CHAD: variants seen among roughly 807,000 people sequenced by gnomAD.
CHAD encodes the protein chondroadherin.
In CHAD, 18 loss-of-function variants were observed where a neutral mutation model predicts 24.0. The observed-to-expected ratio is 0.75, with a 90% CI of 0.52 to 1.11. The LOEUF (loss-of-function observed/expected upper bound fraction) is 1.11, where lower values mean the gene tolerates loss of function less well. Ranked by LOEUF, CHAD falls within the 50% of genes most tolerant of loss-of-function variation. The probability of loss-of-function intolerance (pLI) is 0.00; values close to 1 mark genes in which losing one functional copy is unlikely to be tolerated. For synonymous variants in CHAD, 195 were observed against 211.6 expected, an observed-to-expected ratio of 0.92 and a Z score of 0.68; for missense variants, 440 against 467.2, an observed-to-expected ratio of 0.94 and a Z score of 0.54.
chr17:50,465,749 T>C lies in CHAD; in HGVS notation c.896A>G (p.Asn299Ser), dbSNP rs772620031. 3 of 1,613,618 alleles carry C rather than the reference T, an allele frequency of 1.9e-6. No homozygotes were observed. In the Admixed American group the frequency reaches 5.0e-5, roughly 27 times the overall value. The change falls in exon 2 of 4, where the codon AAT becomes AGT. Residue 299 changes from asparagine to serine, a missense_variant. Transcript: ENST00000508540. ...CTGGCAGGTACACTTCCAGGGGTTA[T>C]TGGTAAGGGCGAGGGTCTCCAGGCT... Reference protein sequence around the residue: ...FDSLETLALTNNPWKCTCQLR... With the variant: ...FDSLETLALTSNPWKCTCQLR...
At position 50,468,131 on chromosome 17, in the gene CHAD, T is replaced by G; in HGVS notation, c.683A>C (p.His228Pro). The change falls in exon 1 of 4, where the codon CAC becomes CCC. Residue 228 changes from histidine (H) to proline (P), a missense_variant. Physicochemically the swap from His to Pro is moderately conservative, Grantham distance 77. Transcript: ENST00000508540. ...LRVVEELKLS[H>P]NPLKSIPDNA... is the part of the protein sequence containing the mutation. ...GTCCGGGATGCTTTTCAGGGGGTTG[T>G]GGGACAGCTTCAGCTCCTCCACCAC... The G allele has an allele frequency of 6.2e-7, 1 of 1,614,156 alleles. No individual in the cohort carries two copies. The highest frequency in any genetic ancestry group is 1.1e-5 in the South Asian group (1 of 91,062).
chr17:50,468,071 G>A lies in CHAD; in HGVS notation c.743C>T (p.Thr248Ile), dbSNP rs2032853719. The A allele has an allele frequency of 6.2e-7, 1 of 1,608,118 alleles. No homozygotes were observed. The change falls in exon 1 of 4, where the codon ACC (threonine) becomes ATC (isoleucine). Residue 248 changes from threonine (T) to isoleucine (I), a missense_variant. Thr to Ile is a moderately conservative substitution (Grantham distance 89). Transcript: ENST00000508540. Reference sequence around the variant, plus strand: ...CAGGTTGGTGTTGTCCAGCCAGAGGGTCTCCAGGTATCTGCCAAAGGACTG... The same window carrying A: ...CAGGTTGGTGTTGTCCAGCCAGAGGATCTCCAGGTATCTGCCAAAGGACTG... Reference protein sequence around the residue: ...AFQSFGRYLETLWLDNTNLEK... With the variant: ...AFQSFGRYLEILWLDNTNLEK...
At position 50,468,749 on chromosome 17, in the gene CHAD, G is replaced by A. The variant is rs1598433164; in HGVS notation, c.65C>T (p.Ala22Val). The part of the protein sequence containing the change: ...LLAGLLPALA[A>V]CPQNCHCHSD... ...GTGGCAGTGGCAGTTCTGGGGGCAGGCGGCCAGCGCCGGCAGCAGACCAGC... is the reference window on the plus strand; with the variant it reads ...GTGGCAGTGGCAGTTCTGGGGGCAGACGGCCAGCGCCGGCAGCAGACCAGC... The change falls in exon 1 of 4, where the codon GCC (alanine) becomes GTC (valine). Residue 22 changes from alanine to valine, a missense_variant. By Grantham distance (64) the Ala-to-Val change is moderately conservative (BLOSUM62 0). Coordinates refer to ENST00000508540, the MANE Select transcript of CHAD (RefSeq NM_001267.3). The A allele has an allele frequency of 6.2e-7, 1 of 1,602,160 alleles. No homozygotes were observed. The highest frequency in any genetic ancestry group is 8.5e-7 in the Non-Finnish European group (1 of 1,176,994).
rs2231509 is a variant in CHAD at position 50,465,499 on chromosome 17, C to T, written c.939-60G>A. Reference sequence around the variant, plus strand: ...AAGGTGGGAGTGCTGGGGGGAAGGGCAGTGAACTATGGGGCCAGGATTGAC... The same window carrying T: ...AAGGTGGGAGTGCTGGGGGGAAGGGTAGTGAACTATGGGGCCAGGATTGAC... On this transcript the variant is annotated intron_variant, in intron 2 of 3. Coordinates refer to ENST00000508540, the MANE Select transcript of CHAD (RefSeq NM_001267.3). 3 of 1,591,600 alleles carry T rather than the reference C, an allele frequency of 1.9e-6. No individual in the cohort carries two copies. The East Asian group carries it at 6.7e-5, about 36-fold the overall frequency.
At position 50,468,575 on chromosome 17, in the gene CHAD, A is replaced by G; in HGVS notation, c.239T>C (p.Leu80Ser). 1.9e-6 allele frequency: 3 copies of G among 1,614,238 alleles called. No individual in the cohort carries two copies. The highest frequency in any genetic ancestry group is 2.5e-6 in the Non-Finnish European group (3 of 1,180,010). The change falls in exon 1 of 4, where the codon TTG becomes TCG. Residue 80 changes from leucine to serine, a missense_variant. Physicochemically the swap from Leu to Ser is moderately radical, Grantham distance 145 (BLOSUM62 -2). Coordinates refer to ENST00000508540, the MANE Select transcript of CHAD (RefSeq NM_001267.3). ...SFRAMPNLVS[L>S]HLQHCQIREV... is the part of the protein sequence containing the mutation. ...GCGGATCTGGCAGTGCTGCAGGTGC[A>G]ATGACACGAGGTTCGGCATGGCCCG...
intron 1 of CHAD, among the ~76,000 whole-genome samples, chr17:50,467,464 A>G (rs2032806476): frequency 6.6e-6 from 1 of 152,168 alleles, no homozygotes; most frequent in African/African-American, 2.4e-5. Flanking sequence ...GTCTGTGTGG[A>G]TTGGGCAGGG....
chr17:50,465,174 C>G (rs1467143320), intron 3 of CHAD, 120 bp downstream of exon 3: 1 of 1,215,294 alleles, frequency 8.2e-7, no homozygotes, highest in East Asian at 2.3e-5. Flanking sequence ...CCCCTCCTCT[C>G]TCTGTAAAAA....
At position 50,465,831 on chromosome 17, in the gene CHAD, G is replaced by A; in HGVS notation, c.814C>T (p.His272Tyr). 4 of 1,613,938 alleles carry A rather than the reference G, an allele frequency of 2.5e-6. No homozygotes were observed. Among genetic ancestry groups the A allele is most frequent in the Non-Finnish European group, 3.4e-6 (4 of 1,180,004 alleles). Residue 272 changes from histidine to tyrosine, a missense_variant, in exon 2 of 4, where the codon CAC becomes TAC. Transcript: ENST00000508540. ...AAGCGGTTGTTCTCCAAATGGACGT[G>A]TTTCAGCGTGGTTACACCCAGGAAG... ...GAFLGVTTLKHVHLENNRLNQ... is the reference protein window; with the variant it reads ...GAFLGVTTLKYVHLENNRLNQ...
chr17:50,467,557 C>T (rs536474352), intron 1 of CHAD, among the ~76,000 whole-genome samples: 2 of 152,324 alleles, frequency 1.3e-5, no homozygotes, highest in East Asian at 1.9e-4. Flanking sequence ...CCCCACTCCC[C>T]CTTAGCACAC....
At position 50,464,768 on chromosome 17, in the gene CHAD, T is replaced by TTG; in HGVS notation, c.*284_*285dup. ...CCAACCTGTTGTGGTTCTGATTGAC[T>TTG]TGGGGGGGGGGTCTCAGCAACAGCT... is the stretch of plus-strand genomic sequence containing the variant. On this transcript the variant is annotated 3_prime_UTR_variant, in exon 4 of 4. Transcript: ENST00000508540. The TTG allele has an allele frequency of 7.9e-6, 1 of 126,764 alleles. No individual in the cohort carries two copies. Among genetic ancestry groups the TTG allele is most frequent in the Non-Finnish European group, 1.5e-5 (1 of 66,816 alleles). 7.9% of individuals were successfully genotyped at this position (126,764 alleles called of 1,614,324 possible).
chr17:50,468,214 G>A lies in CHAD; in HGVS notation c.600C>T (p.Phe200=). 6.2e-7 allele frequency: 1 copy of A among 1,613,166 alleles called. No individual in the cohort carries two copies. The highest frequency in any genetic ancestry group is 8.5e-7 in the Non-Finnish European group (1 of 1,179,242). The change falls in exon 1 of 4, where the codon TTC becomes TTT. Residue 200 remains phenylalanine (F), a synonymous_variant. Coordinates refer to ENST00000508540, the MANE Select transcript of CHAD (RefSeq NM_001267.3). The part of the protein sequence containing the change: ...ALDDVENLAK[F]HVDRNQLSSY... ...TGGACAGCTGGTTCCTGTCCACGTGGAATTTGGCGAGGTTCTCCACGTCGT... is the reference window on the plus strand; with the variant it reads ...TGGACAGCTGGTTCCTGTCCACGTGAAATTTGGCGAGGTTCTCCACGTCGT...
At position 50,466,149 on chromosome 17, in the gene CHAD, C is replaced by T. The variant is rs747435272; in HGVS notation, c.775-279G>A. Among the ~76,000 whole-genome samples, 59 of 147,732 alleles carry T rather than the reference C, an allele frequency of 4.0e-4. 1 individual carries two copies. Among genetic ancestry groups the T allele is most frequent in the African/African-American group, 1.5e-3 (58 of 39,460 alleles). ...TTGCCCAGGCTGGAGCACAGTGGCACGATCTCAGCTCACTGCAAGCTCCGC... is the reference window on the plus strand; with the variant it reads ...TTGCCCAGGCTGGAGCACAGTGGCATGATCTCAGCTCACTGCAAGCTCCGC... On this transcript the variant is annotated intron_variant, in intron 1 of 3. Coordinates refer to ENST00000508540, the MANE Select transcript of CHAD (RefSeq NM_001267.3).
In CHAD at chr17:50,468,301, C is replaced by T; in HGVS notation, c.513G>A (p.Lys171=). ...ELRAGAFQGA[K]DLRWLYLSEN... is the part of the protein sequence containing the mutation. ...CCGACAGGTAGAGCCAGCGCAGGTCCTTGGCTCCCTGGAAGGCGCCTGCGC... is the reference window on the plus strand; with the variant it reads ...CCGACAGGTAGAGCCAGCGCAGGTCTTTGGCTCCCTGGAAGGCGCCTGCGC... Residue 171 remains lysine, a synonymous_variant, in exon 1 of 4, where the codon AAG becomes AAA. Transcript: ENST00000508540. The T allele has an allele frequency of 1.2e-6, 2 of 1,613,898 alleles. No individual in the cohort carries two copies. The highest frequency in any genetic ancestry group is 1.6e-4 in the Middle Eastern group (1 of 6,062).
In CHAD at chr17:50,468,136, C is replaced by A. The variant is rs139473046; in HGVS notation, c.678G>T (p.Leu226=). ...GGATGCTTTTCAGGGGGTTGTGGGA[C>A]AGCTTCAGCTCCTCCACCACCCGTA... is the stretch of plus-strand genomic sequence containing the variant. ...SKLRVVEELK[L]SHNPLKSIPD... Residue 226 remains leucine (L), a synonymous_variant, in exon 1 of 4, where the codon CTG becomes CTT. Coordinates refer to ENST00000508540, the MANE Select transcript of CHAD (RefSeq NM_001267.3). 33 of 1,614,004 alleles carry A rather than the reference C, an allele frequency of 2.0e-5. No individual in the cohort carries two copies. The Admixed American group carries it at 5.2e-4, about 25-fold the overall frequency.
Position 50,464,769 on chromosome 17 carries a change from T to TGGGGGGGGGGGGGGG in CHAD, c.*284_*285insCCCCCCCCCCCCCCC. 1 of 164,260 alleles carries TGGGGGGGGGGGGGGG rather than the reference T, an allele frequency of 6.1e-6. No homozygotes were observed. The highest frequency in any genetic ancestry group is 1.2e-5 in the Non-Finnish European group (1 of 83,630). 10.2% of individuals were successfully genotyped at this position (164,260 alleles called of 1,614,324 possible). ...CAACCTGTTGTGGTTCTGATTGACT[T>TGGGGGGGGGGGGGGG]GGGGGGGGGGTCTCAGCAACAGCTT... On this transcript the variant is annotated 3_prime_UTR_variant, in exon 4 of 4. Coordinates refer to ENST00000508540, the MANE Select transcript of CHAD (RefSeq NM_001267.3).
In CHAD at chr17:50,465,743, G is replaced by A; in HGVS notation, c.902C>T (p.Pro301Leu). ...CCGGAGCTGGCAGGTACACTTCCAG[G>A]GGTTATTGGTAAGGGCGAGGGTCTC... ...SLETLALTNN[P>L]WKCTCQLRGL... Residue 301 changes from proline to leucine, a missense_variant, in exon 2 of 4, where the codon CCC (proline) becomes CTC (leucine). By Grantham distance (98) the Pro-to-Leu change is moderately conservative. Coordinates refer to ENST00000508540, the MANE Select transcript of CHAD (RefSeq NM_001267.3). 1.9e-6 allele frequency: 3 copies of A among 1,613,790 alleles called. No individual in the cohort carries two copies. The highest frequency in any genetic ancestry group is 1.1e-5 in the South Asian group (1 of 91,042).
intron 1 of CHAD, among the ~76,000 whole-genome samples, chr17:50,466,187 C>T (rs1006804120): frequency 6.0e-5 from 9 of 150,862 alleles, no homozygotes; most frequent in Non-Finnish European, 7.4e-5. Flanking sequence ...CCCGGGTTCA[C>T]GCCATTCTCC....
At chr17:50,465,569 G>C in intron 2 of CHAD, 130 bp from the exon 3 acceptor site, 1 of 1,465,788 alleles carries the variant, frequency 6.8e-7, no homozygotes. Context: ...TTTTACAAAT[G>C]GGGAAACTGA....
intron 2 of CHAD, 126 bp downstream of exon 2, chr17:50,465,581 G>C: frequency 6.8e-7 from 1 of 1,461,302 alleles, no homozygotes; most frequent in Non-Finnish European, 9.4e-7. Flanking sequence ...GGAAACTGAG[G>C]CTCCCAGGGT....
Sources: allele counts gnomAD v4.1 joint callset (sites outside exome capture counted in the v4.1 genomes callset), GRCh38; gene constraint gnomAD v4.1.1; transcripts MANE v1.5; gene names NCBI Gene and HGNC (gene_info 2026-07-23, HGNC 2026-07-21).